The following TBCK variants were observed in gnomAD, a reference collection of about 807,000 sequenced individuals.
The protein encoded by TBCK is TBC1 domain containing kinase, also known as TBC domain-containing protein kinase-like protein.
In TBCK, 99 loss-of-function variants were observed where a neutral mutation model predicts 113.4. That is an observed-to-expected ratio of 0.87 (90% CI 0.74 to 1.03). The LOEUF (loss-of-function observed/expected upper bound fraction) is 1.03, where lower values mean the gene tolerates loss of function less well. Ranked by LOEUF, TBCK falls within the 50% of genes least tolerant of loss-of-function variation. The pLI is 0.00. For missense variants in TBCK, 1,045 were observed against 1,061.3 expected (o/e 0.98, Z 0.21); for synonymous variants, 369 against 370.8 (o/e 1.00, Z 0.05).
intron 22 of TBCK, among the ~76,000 whole-genome samples, chr4:106,181,315 G>A (rs1752352549): frequency 6.6e-6 from 1 of 152,084 alleles, no homozygotes; most frequent in African/African-American, 2.4e-5. Flanking sequence ...CCATTCTGTA[G>A]GTTGCCTGTT....
At chr4:106,246,322 C>T (rs1359691529) in intron 10 of TBCK, among the ~76,000 whole-genome samples, 2 of 152,166 alleles carry the variant, frequency 1.3e-5, no homozygotes, top group South Asian at 2.1e-4. Context: ...TGTTTAGTAA[C>T]CATTTTCTGC....
intron 23 of TBCK, among the ~76,000 whole-genome samples, chr4:106,138,949 A>C (rs1746875906): frequency 7.1e-6 from 1 of 141,092 alleles, no homozygotes; most frequent in Admixed American, 7.0e-5. Flanking sequence ...TGGTGACAAG[A>C]GGTCACAGTA....
At chr4:106,311,519 T>C (rs983272945) in intron 1 of TBCK, among the ~76,000 whole-genome samples, 5 of 152,144 alleles carry the variant, frequency 3.3e-5, no homozygotes, top group Admixed American at 3.3e-4. Flanking sequence ...CTGGAATACT[T>C]ATATCTATTG....
At chr4:106,299,381 C>T (rs1053523330) in intron 2 of TBCK, among the ~76,000 whole-genome samples, 13 of 152,308 alleles carry the variant, frequency 8.5e-5, no homozygotes, top group African/African-American at 2.9e-4. Flanking sequence ...TTAAAATGTG[C>T]ATATTCCATT....
chr4:106,241,023 A>G (rs1168717301), intron 12 of TBCK, among the ~76,000 whole-genome samples: 1 of 151,986 alleles, frequency 6.6e-6, no homozygotes, highest in Non-Finnish European at 1.5e-5. Flanking sequence ...GTGTGACTTG[A>G]TTTTGCTAAT....
At chr4:106,288,211 C>CG (rs1765311230) in intron 3 of TBCK, among the ~76,000 whole-genome samples, 1 of 151,498 alleles carries the variant, frequency 6.6e-6, no homozygotes, top group South Asian at 2.1e-4. Flanking sequence ...CTGGGCAACA[C>CG]GGTGCAACCC....
intron 3 of TBCK, among the ~76,000 whole-genome samples, chr4:106,269,091 A>G (rs1357699559): frequency 1.3e-5 from 2 of 152,152 alleles, no homozygotes; most frequent in South Asian, 2.1e-4. Flanking sequence ...CTTTTGGTCT[A>G]AAACATTCCT....
intron 5 of TBCK, among the ~76,000 whole-genome samples, chr4:106,255,595 A>G (rs574469744): frequency 5.9e-5 from 9 of 152,204 alleles, no homozygotes; most frequent in Non-Finnish European, 1.3e-4. Context: ...CAGGAACTGC[A>G]GAGCCCCAAA....
intron 1 of TBCK, among the ~76,000 whole-genome samples, chr4:106,311,927 T>C (rs1768241209): frequency 1.3e-5 from 2 of 152,106 alleles, no homozygotes; most frequent in African/African-American, 4.8e-5. Flanking sequence ...AAATCTAAGA[T>C]GGAACATAGG....
chr4:106,210,651 A>G (rs1194461435), intron 20 of TBCK, among the ~76,000 whole-genome samples: 1 of 152,162 alleles, frequency 6.6e-6, no homozygotes, highest in East Asian at 1.9e-4. Flanking sequence ...CCTTATTATT[A>G]GCCCTTCCCA....
chr4:106,188,320 A>G (rs1315908107), intron 22 of TBCK, among the ~76,000 whole-genome samples: 1 of 152,168 alleles, frequency 6.6e-6, no homozygotes. Flanking sequence ...GATATTTTAA[A>G]CAGTTTCTGA....
Position 106,194,885 on chromosome 4 carries a change from G to C in TBCK, c.1861-131C>G, listed in dbSNP as rs191226474. On this transcript the variant is annotated intron_variant, in intron 20 of 25. Coordinates refer to ENST00000394708, the MANE Select transcript of TBCK (RefSeq NM_001163435.3). ...GTCTACTTTATTGGTTAAAATAAAA[G>C]AGAATGTAGTGTTAAGTTTAGCCTA... 5.9e-6 allele frequency: 5 copies of C among 850,294 alleles called. No individual in the cohort carries two copies. In the East Asian group the frequency reaches 1.6e-4, roughly 27 times the overall value. 52.7% of individuals were successfully genotyped at this position (850,294 alleles called of 1,614,324 possible).
chr4:106,255,763 T>C (rs1406361317), intron 5 of TBCK, among the ~76,000 whole-genome samples: 3 of 152,114 alleles, frequency 2.0e-5, no homozygotes, highest in African/African-American at 7.2e-5. Flanking sequence ...GCTCTGACAT[T>C]TGGCAGGTCC....
chr4:106,248,617 G>A (rs768189144), intron 8 of TBCK, among the ~76,000 whole-genome samples: 14 of 152,172 alleles, frequency 9.2e-5, no homozygotes, highest in Non-Finnish European at 2.1e-4. Flanking sequence ...GTATTAAGAG[G>A]TGAGGCCTTT....
rs577288851 is a variant in TBCK at position 106,242,596 on chromosome 4, T to C, written c.1071-27A>G. 3.6e-6 allele frequency: 5 copies of C among 1,379,178 alleles called. No individual in the cohort carries two copies. In the South Asian group the frequency reaches 6.3e-5, roughly 17 times the overall value. The allele number at this position is 1,379,178 out of a possible 1,614,324, so 85.4% of individuals were successfully genotyped here. On this transcript the variant is annotated intron_variant, in intron 11 of 25. Coordinates refer to ENST00000394708, the MANE Select transcript of TBCK (RefSeq NM_001163435.3). Reference sequence around the variant, plus strand: ...TGAAAAGAAATTTTTAAAAATAATATGTACACAAAATCCAGTTTATTGTTT... The same window carrying C: ...TGAAAAGAAATTTTTAAAAATAATACGTACACAAAATCCAGTTTATTGTTT...
intron 23 of TBCK, among the ~76,000 whole-genome samples, chr4:106,162,651 A>C (rs879908758): frequency 1.3e-5 from 2 of 152,160 alleles, no homozygotes; most frequent in African/African-American, 2.4e-5. Flanking sequence ...CAGGCCAAAC[A>C]CCATGTGGGA....
At position 106,247,237 on chromosome 4, in the gene TBCK, G is replaced by C; in HGVS notation, c.833C>G (p.Pro278Arg). The change falls in exon 10 of 26, where the codon CCT becomes CGT. Residue 278 changes from proline to arginine, a missense_variant. By Grantham distance (103) the Pro-to-Arg change is moderately radical. Coordinates refer to ENST00000394708, the MANE Select transcript of TBCK (RefSeq NM_001163435.3). ...MKDKVFSEVS[P>R]LYTPFTKPAS... is the part of the protein sequence containing the mutation. ...AGGTTTGGTAAAGGGGGTATATAAA[G>C]GTGATACCTCACTGAATACTTTGTC... 3.1e-6 allele frequency: 5 copies of C among 1,612,428 alleles called. No homozygotes were observed. Among genetic ancestry groups the C allele is most frequent in the Non-Finnish European group, 4.2e-6 (5 of 1,178,774 alleles).
intron 23 of TBCK, among the ~76,000 whole-genome samples, chr4:106,155,179 G>A (rs1027335116): frequency 1.3e-5 from 2 of 150,518 alleles, no homozygotes; most frequent in African/African-American, 2.5e-5. Flanking sequence ...AATATGTCAT[G>A]CCACTCTCTC....
chr4:106,082,946 T>G (rs76536300), intron 25 of TBCK, among the ~76,000 whole-genome samples: 6 of 152,212 alleles, frequency 3.9e-5, no homozygotes, highest in Admixed American at 6.5e-5. Flanking sequence ...CAAATTGAAC[T>G]GTGCAACCCA....
Sources: gnomAD v4.1 joint callset for allele counts (sites outside exome capture counted in the v4.1 genomes callset) on GRCh38, gnomAD v4.1.1 for gene constraint, MANE v1.5 for transcripts, NCBI Gene and HGNC (gene_info 2026-07-23, HGNC 2026-07-21) for gene names.